The following CTNS variants were observed in gnomAD, a reference collection of about 807,000 sequenced individuals.
The protein encoded by CTNS is cystinosin.
In CTNS, 27 loss-of-function variants were observed where a neutral mutation model predicts 43.7. The ratio of observed to expected loss-of-function variants is 0.62; its 90% CI spans 0.46 to 0.85. The LOEUF is 0.85. Ranked by LOEUF, CTNS falls within the 40% of genes least tolerant of loss-of-function variation. The pLI, the probability that CTNS is intolerant of heterozygous loss-of-function variation, is 0.00. For synonymous variants in CTNS, 187 were observed against 190.6 expected (o/e 0.98, Z 0.16); for missense variants, 457 against 475.4 (o/e 0.96, Z 0.36).
Position 3,660,448 on chromosome 17 carries a change from C to T in CTNS, c.*79C>T, listed in dbSNP as rs903350060. ...CCTCACCCAGCGAAGGCCGGAGAAGCGGTTGGGCCCTGGCACACAGGGCTG... is the reference window on the plus strand; with the variant it reads ...CCTCACCCAGCGAAGGCCGGAGAAGTGGTTGGGCCCTGGCACACAGGGCTG... On this transcript the variant is annotated 3_prime_UTR_variant, in exon 12 of 12. Transcript: ENST00000046640. The T allele has an allele frequency of 1.2e-5, 20 of 1,613,302 alleles. No homozygotes were observed. The highest frequency in any genetic ancestry group is 1.2e-4 in the Admixed American group (7 of 60,006).
chr17:3,638,227 T>G (rs903850292), intron 2 of CTNS, among the ~76,000 whole-genome samples: 130 of 44,756 alleles, frequency 2.9e-3, no homozygotes, highest in African/African-American at 8.0e-3. Context: ...ATCAATCTGG[T>G]TTTTTTTTTG....
At position 3,658,015 on chromosome 17, in the gene CTNS, A is replaced by G. The variant is rs144949989; in HGVS notation, c.692A>G (p.Gln231Arg). The change falls in exon 10 of 12, where the codon CAG (glutamine) becomes CGG (arginine). Residue 231 changes from glutamine (Q) to arginine (R), a missense_variant. Physicochemically the swap from Gln to Arg is conservative, Grantham distance 43. Transcript: ENST00000046640. ...VQCCLYERGG[Q>R]RVSWPAIGFL... Reference sequence around the variant, plus strand: ...TCCTCTCGCCCCCAGCGCGGTGGCCAGCGCGTGTCCTGGCCTGCCATCGGC... The same window carrying G: ...TCCTCTCGCCCCCAGCGCGGTGGCCGGCGCGTGTCCTGGCCTGCCATCGGC... The G allele has an allele frequency of 3.1e-6, 5 of 1,610,058 alleles. No homozygotes were observed. The highest frequency in any genetic ancestry group is 4.2e-6 in the Non-Finnish European group (5 of 1,179,904).
intron 3 of CTNS, among the ~76,000 whole-genome samples, chr17:3,642,190 A>G (rs541080092): frequency 1.3e-5 from 2 of 151,046 alleles, no homozygotes; most frequent in East Asian, 3.9e-4. Flanking sequence ...CATACTCTTT[A>G]AAGCCCCATT....
Position 3,660,854 on chromosome 17 carries a change from G to A in CTNS, c.*485G>A. ...CTGGTGGACGGGCTAGGACTTTGGG[G>A]TTAGGCCATGGGGCTCTTTCTCTGA... On this transcript the variant is annotated 3_prime_UTR_variant, in exon 12 of 12. Transcript: ENST00000046640. The A allele has an allele frequency of 2.7e-6, 4 of 1,476,654 alleles. No homozygotes were observed. The highest frequency in any genetic ancestry group is 3.7e-6 in the Non-Finnish European group (4 of 1,085,502). 91.5% of individuals were successfully genotyped at this position (1,476,654 alleles called of 1,614,324 possible). A position where few individuals can be genotyped will look rare whatever the true frequency, so the allele number is the denominator to read the frequency against.
At chr17:3,636,953 A>C (rs1478835748) in intron 1 of CTNS, 122 bp downstream of exon 1, 2 of 152,186 alleles carry the variant, frequency 1.3e-5, no homozygotes, top group African/African-American at 4.8e-5. Flanking sequence ...CCCCGCCACC[A>C]GTGCTGGCCT....
chr17:3,659,454 C>CCA (rs2076234581), intron 10 of CTNS, among the ~76,000 whole-genome samples: 1 of 152,232 alleles, frequency 6.6e-6, no homozygotes, highest in Admixed American at 6.5e-5. Context: ...CCCACTCCCA[C>CCA]CAGTCCCTAA....
At position 3,640,854 on chromosome 17, in the gene CTNS, T is replaced by C. The variant is rs576706067; in HGVS notation, c.61+587T>C. On this transcript the variant is annotated intron_variant, in intron 3 of 11. Coordinates refer to ENST00000046640, the MANE Select transcript of CTNS (RefSeq NM_004937.3). ...AGGAAGTCAAGGCTACAGTGAGTTA[T>C]GATCACACTACTGCACTCCGGCCTG... 1.7e-4 allele frequency among the ~76,000 whole-genome samples: 26 copies of C among 152,268 alleles called. No individual in the cohort carries two copies. The South Asian group carries it at 5.4e-3, about 32-fold the overall frequency.
intron 5 of CTNS, among the ~76,000 whole-genome samples, chr17:3,654,616 G>A (rs544646672): frequency 7.9e-5 from 12 of 151,748 alleles, no homozygotes; most frequent in Admixed American, 7.2e-4. Flanking sequence ...GGGAGGCAGA[G>A]GTTGCAGTGA....
rs766273063 is a variant in CTNS, at chr17:3,658,223, G to A, written c.852+48G>A. Reference sequence around the variant, plus strand: ...ATGGCCGGTGGCAGGAGAGGTGAGAGCTACATGGCCCAGGCCCTGCTCCGG... The same window carrying A: ...ATGGCCGGTGGCAGGAGAGGTGAGAACTACATGGCCCAGGCCCTGCTCCGG... On this transcript the variant is annotated intron_variant, in intron 10 of 11. Coordinates refer to ENST00000046640, the MANE Select transcript of CTNS (RefSeq NM_004937.3). The A allele has an allele frequency of 3.7e-6, 6 of 1,607,402 alleles. No individual in the cohort carries two copies. The South Asian group carries it at 4.4e-5, about 12-fold the overall frequency.
chr17:3,652,002 T>C (rs1041731123), intron 5 of CTNS, among the ~76,000 whole-genome samples: 3 of 131,198 alleles, frequency 2.3e-5, no homozygotes, highest in Non-Finnish European at 4.8e-5. Context: ...AGAAAAGTCT[T>C]TAACAATGAG....
At chr17:3,642,943 C>T in intron 3 of CTNS, among the ~76,000 whole-genome samples, 1 of 152,162 alleles carries the variant, frequency 6.6e-6, no homozygotes, top group Non-Finnish European at 1.5e-5. Context: ...ATCTTGCCCT[C>T]ACCATTTTCA....
At chr17:3,655,768 G>A (rs925674847) in intron 7 of CTNS, 3 of 271,080 alleles carry the variant, frequency 1.1e-5, no homozygotes, top group African/African-American at 2.2e-5. Flanking sequence ...CAGTCACCCT[G>A]GCCACGTCGG....
chr17:3,642,064 C>CGTGTAT (rs1555558862), intron 3 of CTNS, among the ~76,000 whole-genome samples: 6 of 139,782 alleles, frequency 4.3e-5, no homozygotes, highest in Non-Finnish European at 6.2e-5. Context: ...TGTACCCGGG[C>CGTGTAT]GTGTGTGTGT....
In CTNS at chr17:3,658,022, G is replaced by A. The variant is rs2076195866; in HGVS notation, c.699G>A (p.Val233=). The change falls in exon 10 of 12, where the codon GTG becomes GTA. Residue 233 remains valine, a synonymous_variant. Transcript: ENST00000046640. The part of the protein sequence containing the change: ...CCLYERGGQR[V]SWPAIGFLVL... Reference sequence around the variant, plus strand: ...GCCCCCAGCGCGGTGGCCAGCGCGTGTCCTGGCCTGCCATCGGCTTCCTGG... The same window carrying A: ...GCCCCCAGCGCGGTGGCCAGCGCGTATCCTGGCCTGCCATCGGCTTCCTGG... The A allele has an allele frequency of 8.7e-6, 14 of 1,610,714 alleles. No homozygotes were observed. Among genetic ancestry groups the A allele is most frequent in the Non-Finnish European group, 1.1e-5 (13 of 1,179,940 alleles).
intron 5 of CTNS, chr17:3,650,024 G>C: frequency 7.9e-7 from 1 of 1,267,008 alleles, no homozygotes; most frequent in East Asian, 2.6e-5. Context: ...ACTCACGTTC[G>C]TAACAACAAC....
rs903368768 is a variant in CTNS at position 3,640,254 on chromosome 17, C to T, written c.48C>T (p.Leu16=). The change falls in exon 3 of 12, where the codon CTC becomes CTT. Residue 16 remains leucine, a synonymous_variant. Transcript: ENST00000046640. ...TTTTTATCCTTTTTCCCCTGAAGCTCGTAGAGAAATGTGGTAAGTTTAGAA... is the reference window on the plus strand; with the variant it reads ...TTTTTATCCTTTTTCCCCTGAAGCTTGTAGAGAAATGTGGTAAGTTTAGAA... ...LTIFILFPLK[L]VEKCESSVSL... 3.1e-6 allele frequency: 5 copies of T among 1,613,958 alleles called. No individual in the cohort carries two copies. Among genetic ancestry groups the T allele is most frequent in the Admixed American group, 1.7e-5 (1 of 60,018 alleles).
At chr17:3,644,915 T>A (rs2075810439) in intron 3 of CTNS, among the ~76,000 whole-genome samples, 1 of 152,200 alleles carries the variant, frequency 6.6e-6, no homozygotes, top group Non-Finnish European at 1.5e-5. Flanking sequence ...ACCTCCTATA[T>A]GCAAAGATTG....
At chr17:3,638,831 G>T (rs2075605310) in intron 2 of CTNS, among the ~76,000 whole-genome samples, 1 of 152,182 alleles carries the variant, frequency 6.6e-6, no homozygotes, top group African/African-American at 2.4e-5. Context: ...ACGCAGGAGG[G>T]CAATTCCTCC....
At position 3,660,261 on chromosome 17, in the gene CTNS, C is replaced by G. The variant is rs761185996; in HGVS notation, c.996C>G (p.Asp332Glu). The G allele has an allele frequency of 8.1e-6, 13 of 1,614,272 alleles. No homozygotes were observed. Among genetic ancestry groups the G allele is most frequent in the Non-Finnish European group, 1.0e-5 (12 of 1,180,052 alleles). ...NNDQWTLIFG[D>E]PTKFGLGVFS... is the part of the protein sequence containing the mutation. The stretch of plus-strand genomic sequence containing the variant: ...ACCAGTGGACGCTGATCTTCGGAGA[C>G]CCAACCAAGTTTGGACTCGGGGTCT... The change falls in exon 12 of 12, where the codon GAC becomes GAG. Residue 332 changes from aspartate to glutamate, a missense_variant. Transcript: ENST00000046640.
Sources: allele counts gnomAD v4.1 joint callset (sites outside exome capture counted in the v4.1 genomes callset), GRCh38; gene constraint gnomAD v4.1.1; transcripts MANE v1.5; gene names NCBI Gene and HGNC (gene_info 2026-07-23, HGNC 2026-07-21).